Variants in PKHD1 observed in about 807,000 individuals in gnomAD.
The protein encoded by PKHD1 is fibrocystin.
PKHD1 carries 291 observed loss-of-function variants against 412.0 expected under a neutral mutation model. That is an observed-to-expected ratio of 0.71 (90% CI 0.64 to 0.78). The LOEUF (loss-of-function observed/expected upper bound fraction) is 0.78. PKHD1 is among the 30% of genes least tolerant of loss of function. PKHD1 has a pLI of 0.00. For synonymous variants in PKHD1, 1,777 were observed against 1,821.5 expected, an observed-to-expected ratio of 0.98 and a Z score of 0.62; for missense variants, 4,825 against 4,950.7, an observed-to-expected ratio of 0.97 and a Z score of 0.76.
At chr6:51,812,100 C>A (rs939223759) in intron 52 of PKHD1, among the ~76,000 whole-genome samples, 1 of 152,124 alleles carries the variant, frequency 6.6e-6, no homozygotes, top group Non-Finnish European at 1.5e-5. Context: ...ATGAGACACA[C>A]CTGGATTTAC....
chr6:51,811,078 A>T (rs888943153), intron 52 of PKHD1, among the ~76,000 whole-genome samples: 11 of 152,144 alleles, frequency 7.2e-5, no homozygotes, highest in African/African-American at 2.7e-4. Flanking sequence ...CCTTTATCTA[A>T]TTATATAATC....
chr6:51,736,534 A>G (rs1324645359), intron 60 of PKHD1, among the ~76,000 whole-genome samples: 1 of 152,174 alleles, frequency 6.6e-6, no homozygotes, highest in African/African-American at 2.4e-5. Flanking sequence ...CTGTGCCTTT[A>G]TATTTTAATA....
At chr6:52,069,640 C>G in intron 10 of PKHD1, 113 bp from the exon 11 acceptor site, 1 of 809,494 alleles carries the variant, frequency 1.2e-6, no homozygotes, top group Admixed American at 1.7e-5. Flanking sequence ...ATCTTTAGAA[C>G]AGTTGAAATA....
Position 51,968,242 on chromosome 6 carries a change from T to C in PKHD1, c.5752-8216A>G, listed in dbSNP as rs61198416. 2.8e-3 allele frequency among the ~76,000 whole-genome samples: 426 copies of C among 151,918 alleles called. 4 individuals carry two copies. The highest frequency in any genetic ancestry group is 0.01 in the Middle Eastern group (3 of 294). ...TGATCTCCTCAAGGGCAAAAAAAAA[T>C]TTTTTTACAGAAACAAACAAAAGTT... On this transcript the variant is annotated intron_variant, in intron 35 of 66. Coordinates refer to ENST00000371117, the MANE Select transcript of PKHD1 (RefSeq NM_138694.4).
chr6:52,065,163 A>ATG (rs1279345439), intron 12 of PKHD1, 113 bp from the exon 13 acceptor site: 25 of 115,182 alleles, frequency 2.2e-4, no homozygotes, highest in Admixed American at 3.4e-4. Context: ...ATATATATAT[A>ATG]TATATAGAGA....
intron 49 of PKHD1, among the ~76,000 whole-genome samples, chr6:51,848,930 A>G (rs1178483985): frequency 1.8e-5 from 1 of 56,202 alleles, no homozygotes; most frequent in South Asian, 6.3e-4. Flanking sequence ...TTTTTTTTTT[A>G]TTTCTTCTGA....
intron 60 of PKHD1, among the ~76,000 whole-genome samples, chr6:51,664,581 A>G (rs566910871): frequency 6.6e-6 from 1 of 152,284 alleles, no homozygotes; most frequent in African/African-American, 2.4e-5. Flanking sequence ...ATTTATTTGG[A>G]TTCCTTGTGC....
intron 35 of PKHD1, among the ~76,000 whole-genome samples, chr6:51,997,006 T>G (rs1483859855): frequency 6.6e-6 from 1 of 152,216 alleles, no homozygotes; most frequent in African/African-American, 2.4e-5. Flanking sequence ...CAAAGCCCAT[T>G]ACCCTGAGCA....
intron 50 of PKHD1, among the ~76,000 whole-genome samples, chr6:51,838,632 A>G (rs1769652168): frequency 6.6e-6 from 1 of 152,192 alleles, no homozygotes; most frequent in African/African-American, 2.4e-5. Flanking sequence ...CTATACCACC[A>G]TCTACATGCA....
intron 63 of PKHD1, 28 bp from the exon 64 acceptor site, chr6:51,638,984 G>T (rs1472181893): frequency 1.4e-6 from 2 of 1,456,334 alleles, no homozygotes; most frequent in South Asian, 1.1e-5. Flanking sequence ...ACAAAAATTA[G>T]CTGTTTATTA....
At chr6:51,887,295 G>A (rs965234078) in intron 43 of PKHD1, 50 bp from the exon 44 acceptor site, 7 of 1,187,280 alleles carry the variant, frequency 5.9e-6, no homozygotes, top group Non-Finnish European at 8.8e-6. Flanking sequence ...GTATGATAAG[G>A]TTGCTGGAAA....
intron 35 of PKHD1, among the ~76,000 whole-genome samples, chr6:51,979,213 A>C (rs1352466019): frequency 5.3e-5 from 8 of 152,118 alleles, no homozygotes; most frequent in African/African-American, 1.7e-4. Context: ...TCTGAAGACT[A>C]CAGGTGATTT....
At chr6:51,736,993 C>G (rs1783939764) in intron 60 of PKHD1, among the ~76,000 whole-genome samples, 1 of 152,188 alleles carries the variant, frequency 6.6e-6, no homozygotes, top group Non-Finnish European at 1.5e-5. Flanking sequence ...ACTCAGTGGG[C>G]TGACAGTCAA....
chr6:51,774,896 A>C (rs1034908313), intron 54 of PKHD1, among the ~76,000 whole-genome samples: 4 of 151,770 alleles, frequency 2.6e-5, no homozygotes, highest in Admixed American at 1.3e-4. Context: ...AAAAATGTTC[A>C]TATTTTTTCT....
At chr6:51,623,140 G>A (rs538250712) in intron 66 of PKHD1, among the ~76,000 whole-genome samples, 2 of 151,918 alleles carry the variant, frequency 1.3e-5, no homozygotes. Context: ...GATGAACTTT[G>A]GAATCCATCT....
intron 63 of PKHD1, among the ~76,000 whole-genome samples, chr6:51,646,991 C>G (rs755063839): frequency 2.0e-5 from 3 of 152,146 alleles, no homozygotes; most frequent in Non-Finnish European, 4.4e-5. Flanking sequence ...GCCCAAACTC[C>G]CCACCATGGT....
At chr6:51,865,858 G>A (rs996613657) in intron 48 of PKHD1, among the ~76,000 whole-genome samples, 2 of 152,174 alleles carry the variant, frequency 1.3e-5, no homozygotes, top group Non-Finnish European at 2.9e-5. Flanking sequence ...TCCTAATGAG[G>A]TTATAATGCT....
Position 51,747,769 on chromosome 6 carries a change from T to C in PKHD1, c.9829+18A>G, listed in dbSNP as rs766181065. The C allele has an allele frequency of 3.1e-6, 5 of 1,608,522 alleles. No individual in the cohort carries two copies. In the Admixed American group the frequency reaches 6.7e-5, roughly 21 times the overall value. ...GATGTATGAAATGGCACTGCCTAGATAAAATAAAACATCCTACCTTGAAGT... is the reference window on the plus strand; with the variant it reads ...GATGTATGAAATGGCACTGCCTAGACAAAATAAAACATCCTACCTTGAAGT... On this transcript the variant is annotated intron_variant, in intron 58 of 66. Transcript: ENST00000371117.
intron 23 of PKHD1, 120 bp from the exon 24 acceptor site, chr6:52,046,308 T>G: frequency 1.2e-6 from 1 of 831,990 alleles, no homozygotes; most frequent in Non-Finnish European, 2.1e-6. Context: ...AGGAGACCCT[T>G]CTGTCAAAGT....
Sources: allele counts gnomAD v4.1 joint callset (sites outside exome capture counted in the v4.1 genomes callset), GRCh38; gene constraint gnomAD v4.1.1; transcripts MANE v1.5; gene names NCBI Gene and HGNC (gene_info 2026-07-23, HGNC 2026-07-21).